The following NEBL variants were observed in gnomAD, a reference collection of about 807,000 sequenced individuals.
The protein encoded by NEBL is nebulette.
NEBL carries 122 observed loss-of-function variants against 140.2 expected under a neutral mutation model. That is an observed-to-expected ratio of 0.87 (90% CI 0.75 to 1.01). The LOEUF is 1.01. Among genes scored for constraint, NEBL ranks in the 50% least tolerant of loss-of-function variants. The pLI is 0.00. For synonymous variants in NEBL, 436 were observed against 398.9 expected (o/e 1.09, Z -1.11); for missense variants, 1,365 against 1,231.3 (o/e 1.11, Z -1.62).
At chr10:20,807,114 C>G (rs369970176) in intron 26 of NEBL, among the ~76,000 whole-genome samples, 19 of 152,224 alleles carry the variant, frequency 1.2e-4, no homozygotes, top group African/African-American at 4.6e-4. Context: ...CACTTGAGGT[C>G]AGGAGTTCCA....
At chr10:21,082,634 C>A (rs144424778) in intron 2 of NEBL, among the ~76,000 whole-genome samples, 2,652 of 151,540 alleles carry the variant, frequency 0.018, 37 homozygotes, top group Non-Finnish European at 0.027. Context: ...CACCTAATTC[C>A]GATGCCCATT....
chr10:21,095,759 A>C (rs1004977285), intron 2 of NEBL, among the ~76,000 whole-genome samples: 20 of 152,222 alleles, frequency 1.3e-4, no homozygotes, highest in African/African-American at 4.6e-4. Context: ...AATGAGATGT[A>C]ATATATTCCC....
At chr10:20,953,506 ATTTTT>A (rs146415247) in intron 4 of NEBL, among the ~76,000 whole-genome samples, 73 of 119,762 alleles carry the variant, frequency 6.1e-4, no homozygotes, top group Admixed American at 1.6e-3. Flanking sequence ...ACAAGCCCTA[ATTTTT>A]TTTTTTTTTT....
intron 26 of NEBL, among the ~76,000 whole-genome samples, chr10:20,796,324 A>C (rs1272137405): frequency 2.2e-5 from 3 of 134,806 alleles, no homozygotes; most frequent in African/African-American, 8.4e-5. Flanking sequence ...GCACCATTGC[A>C]CTCCAGCCTG....
intron 26 of NEBL, 64 bp downstream of exon 26, chr10:20,808,446 G>T: frequency 6.5e-7 from 1 of 1,527,706 alleles, no homozygotes. Context: ...GAATTTTAAA[G>T]ACACTCTTGT....
intron 3 of NEBL, among the ~76,000 whole-genome samples, chr10:21,016,925 C>T: frequency 6.6e-6 from 1 of 152,174 alleles, no homozygotes; most frequent in East Asian, 1.9e-4. Context: ...AAAAAGAAAC[C>T]ATAATGACTT....
intron 3 of NEBL, among the ~76,000 whole-genome samples, chr10:21,244,052 T>TAAATA (rs1240032127): frequency 6.6e-6 from 1 of 152,140 alleles, no homozygotes; most frequent in Non-Finnish European, 1.5e-5. Context: ...GATTTATTTT[T>TAAATA]AAATAAGTTT....
intron 19 of NEBL, among the ~76,000 whole-genome samples, chr10:20,820,197 C>T (rs1839162511): frequency 6.6e-6 from 1 of 152,132 alleles, no homozygotes; most frequent in African/African-American, 2.4e-5. Context: ...TTCTCTATGC[C>T]GTTCTAACAT....
chr10:20,917,074 A>G (rs1833335394), intron 4 of NEBL, among the ~76,000 whole-genome samples: 2 of 152,208 alleles, frequency 1.3e-5, no homozygotes, highest in Admixed American at 1.3e-4. Context: ...TTAAATTATA[A>G]CCCTCCTGAT....
intron 3 of NEBL, among the ~76,000 whole-genome samples, chr10:20,981,325 C>T (rs575003756): frequency 2.0e-5 from 3 of 151,878 alleles, no homozygotes; most frequent in Admixed American, 6.6e-5. Context: ...AAAAGACATT[C>T]TAATGTTGAC....
At chr10:20,828,074 A>G (rs1470296647) in intron 17 of NEBL, among the ~76,000 whole-genome samples, 1 of 150,870 alleles carries the variant, frequency 6.6e-6, no homozygotes, top group Non-Finnish European at 1.5e-5. Context: ...AACTTAAAAT[A>G]AAAGTTAAAA....
chr10:20,972,741 A>C (rs747125712), intron 3 of NEBL, among the ~76,000 whole-genome samples: 2 of 152,154 alleles, frequency 1.3e-5, no homozygotes, highest in Non-Finnish European at 2.9e-5. Flanking sequence ...GCAACACTCC[A>C]TCTCAAAAAA....
intron 2 of NEBL, among the ~76,000 whole-genome samples, chr10:21,131,652 C>A (rs183652526): frequency 1.6e-5 from 2 of 123,824 alleles, no homozygotes; most frequent in East Asian, 3.9e-4. Context: ...CCATGTAGAA[C>A]CTCTGGTGTG....
chr10:21,264,469 C>A (rs974437929), intron 1 of NEBL, among the ~76,000 whole-genome samples: 1 of 152,046 alleles, frequency 6.6e-6, no homozygotes, highest in African/African-American at 2.4e-5. Flanking sequence ...CACCCTTCTG[C>A]AGGTGTTGTC....
At chr10:21,050,843 G>A (rs1834748516) in intron 2 of NEBL, among the ~76,000 whole-genome samples, 1 of 152,050 alleles carries the variant, frequency 6.6e-6, no homozygotes, top group Non-Finnish European at 1.5e-5. Flanking sequence ...TTGGCTGTAG[G>A]GGCTGTGCTC....
chr10:21,242,301 A>C (rs1242939036), intron 3 of NEBL, among the ~76,000 whole-genome samples: 1 of 152,260 alleles, frequency 6.6e-6, no homozygotes, highest in East Asian at 1.9e-4. Context: ...AAAAAGAATG[A>C]GATCACGTGC....
chr10:21,089,971 G>T (rs1347291512), intron 2 of NEBL, among the ~76,000 whole-genome samples: 1 of 152,010 alleles, frequency 6.6e-6, no homozygotes, highest in Non-Finnish European at 1.5e-5. Flanking sequence ...CGTACAAATG[G>T]CCTCTATGTT....
chr10:21,171,035 T>C (rs1589309549), intron 2 of NEBL, among the ~76,000 whole-genome samples: 1 of 152,036 alleles, frequency 6.6e-6, no homozygotes, highest in Non-Finnish European at 1.5e-5. Flanking sequence ...GGGGAACTGG[T>C]GAGAAAACTC....
At chr10:20,823,494 G>A (rs991816536) in intron 18 of NEBL, among the ~76,000 whole-genome samples, 194 bp from the exon 19 acceptor site, 2 of 151,922 alleles carry the variant, frequency 1.3e-5, no homozygotes, top group Admixed American at 6.6e-5. Flanking sequence ...AAATAAATCC[G>A]TATCTATTCA....
Sources: allele counts gnomAD v4.1 joint callset (sites outside exome capture counted in the v4.1 genomes callset), GRCh38; gene constraint gnomAD v4.1.1; transcripts MANE v1.5; gene names NCBI Gene and HGNC (gene_info 2026-07-23, HGNC 2026-07-21).